GLI3: variants seen among roughly 807,000 people sequenced by gnomAD.
GLI3 encodes GLI family zinc finger 3.
GLI3 carries 20 observed loss-of-function variants against 100.8 expected under a neutral mutation model. The observed-to-expected ratio is 0.20, with a 90% CI of 0.14 to 0.29. GLI3 has a LOEUF of 0.29. Among genes scored for constraint, GLI3 ranks in the 10% least tolerant of loss-of-function variants. The pLI is 1.00. For synonymous variants in GLI3, 938 were observed against 860.5 expected (o/e 1.09, Z -1.58); for missense variants, 2,040 against 2,128.5 (o/e 0.96, Z 0.82).
At chr7:42,254,231 A>AAAAAAAC (rs1281812818) in intron 1 of GLI3, among the ~76,000 whole-genome samples, 1 of 151,540 alleles carries the variant, frequency 6.6e-6, no homozygotes, top group African/African-American at 2.4e-5. Flanking sequence ...AAAAAAAAAA[A>AAAAAAAC]AGCCAATGGA....
At chr7:42,105,193 T>C (rs1785546932) in intron 3 of GLI3, among the ~76,000 whole-genome samples, 2 of 152,172 alleles carry the variant, frequency 1.3e-5, no homozygotes, top group African/African-American at 4.8e-5. Context: ...CCTGCTACTG[T>C]GTGCCCTGAA....
intron 3 of GLI3, among the ~76,000 whole-genome samples, chr7:42,110,260 CA>C (rs1184216723): frequency 6.6e-6 from 1 of 152,176 alleles, no homozygotes; most frequent in Non-Finnish European, 1.5e-5. Context: ...TAGTAGAATT[CA>C]ATTTTAAAAA....
chr7:42,112,138 A>C (rs1013510461), intron 3 of GLI3, among the ~76,000 whole-genome samples: 2 of 152,226 alleles, frequency 1.3e-5, no homozygotes, highest in Non-Finnish European at 2.9e-5. Context: ...TCTGCCGTCT[A>C]TGATAATATC....
chr7:41,979,495 C>A (rs1049627213), intron 10 of GLI3, among the ~76,000 whole-genome samples: 40 of 152,140 alleles, frequency 2.6e-4, no homozygotes, highest in African/African-American at 9.2e-4. Context: ...AGATGAAGTT[C>A]TCTGAATTAC....
intron 3 of GLI3, chr7:42,145,381 T>A (rs890440194): frequency 2.2e-4 from 87 of 395,880 alleles, no homozygotes; most frequent in African/African-American, 1.6e-3. Context: ...CTGCTAAGAA[T>A]TTAAAATGTT....
chr7:42,066,084 T>C (rs1316447259), intron 4 of GLI3, among the ~76,000 whole-genome samples: 3 of 152,106 alleles, frequency 2.0e-5, no homozygotes, highest in African/African-American at 7.2e-5. Context: ...CTCGGAGGAA[T>C]GTAATTCATG....
At chr7:42,171,554 TC>T (rs1487152432) in intron 2 of GLI3, among the ~76,000 whole-genome samples, 1 of 152,242 alleles carries the variant, frequency 6.6e-6, no homozygotes, top group Non-Finnish European at 1.5e-5. Context: ...TTTCAGACTT[TC>T]CACAATGATT....
chr7:41,975,557 T>C (rs1262772789), intron 12 of GLI3, among the ~76,000 whole-genome samples: 1 of 152,218 alleles, frequency 6.6e-6, no homozygotes, highest in Non-Finnish European at 1.5e-5. Context: ...TTTAAGTAAA[T>C]TGCTCAAGTG....
intron 1 of GLI3, among the ~76,000 whole-genome samples, chr7:42,248,756 C>T (rs540042341): frequency 2.5e-4 from 38 of 152,044 alleles, no homozygotes; most frequent in African/African-American, 8.7e-4. Context: ...TAATAATTCT[C>T]TTATCCTCTT....
chr7:42,094,774 G>C lies in GLI3; in HGVS notation c.368-17917C>G, dbSNP rs1785301964. 2.0e-5 allele frequency among the ~76,000 whole-genome samples: 3 copies of C among 151,996 alleles called. No homozygotes were observed. The South Asian group carries it at 6.2e-4, about 32-fold the overall frequency. On this transcript the variant is annotated intron_variant, in intron 3 of 14. Coordinates refer to ENST00000395925, the MANE Select transcript of GLI3 (RefSeq NM_000168.6). ...ATTAAAAAAAAAGACAATTCACTCTGCAGATCTAAGCAGCACTGCCAGGTA... is the reference window on the plus strand; with the variant it reads ...ATTAAAAAAAAAGACAATTCACTCTCCAGATCTAAGCAGCACTGCCAGGTA...
chr7:42,133,002 T>C (rs1786332045), intron 3 of GLI3, among the ~76,000 whole-genome samples: 2 of 152,176 alleles, frequency 1.3e-5, no homozygotes, highest in African/African-American at 4.8e-5. Context: ...ATTCCATTGT[T>C]ACTAACACCA....
At chr7:41,993,670 T>C (rs1240266187) in intron 10 of GLI3, among the ~76,000 whole-genome samples, 1 of 152,200 alleles carries the variant, frequency 6.6e-6, no homozygotes, top group Non-Finnish European at 1.5e-5. Context: ...CAGTAAATAC[T>C]TGCTGGAGGA....
chr7:42,229,447 C>A (rs1788651895), intron 1 of GLI3, among the ~76,000 whole-genome samples: 1 of 152,204 alleles, frequency 6.6e-6, no homozygotes, highest in African/African-American at 2.4e-5. Context: ...GTTTAGGGAA[C>A]TATTACTCCA....
At chr7:42,166,650 CTTTTTTTTTTT>C (rs1203814510) in intron 2 of GLI3, among the ~76,000 whole-genome samples, 7 of 80,274 alleles carry the variant, frequency 8.7e-5, no homozygotes, top group East Asian at 3.6e-4. Flanking sequence ...GTTCTGATTC[CTTTTTTTTTTT>C]TTTTTTTTTT....
At chr7:42,142,907 G>C (rs1010647251) in intron 3 of GLI3, among the ~76,000 whole-genome samples, 15 of 131,894 alleles carry the variant, frequency 1.1e-4, no homozygotes, top group African/African-American at 4.4e-4. Context: ...CCACTGCACA[G>C]CCTGGGCGAG....
chr7:41,967,551 G>GAA, intron 14 of GLI3, 45 bp downstream of exon 14: 10 of 1,377,638 alleles, frequency 7.3e-6, no homozygotes, highest in East Asian at 2.3e-5. Context: ...TAAAAGAACA[G>GAA]AAAAAAAAAC....
intron 1 of GLI3, among the ~76,000 whole-genome samples, chr7:42,249,632 T>G (rs1252809716): frequency 6.6e-6 from 1 of 152,214 alleles, no homozygotes; most frequent in Non-Finnish European, 1.5e-5. Flanking sequence ...AGGGTGCTTG[T>G]GAGACCGACT....
intron 2 of GLI3, among the ~76,000 whole-genome samples, chr7:42,189,971 A>AAC (rs57107204): frequency 0.051 from 7,250 of 143,222 alleles, 188 homozygotes; most frequent in East Asian, 0.082. Context: ...GCATGGGCTC[A>AAC]ACACACACAC....
At chr7:41,993,413 G>T (rs1211800555) in intron 10 of GLI3, among the ~76,000 whole-genome samples, 2 of 152,158 alleles carry the variant, frequency 1.3e-5, no homozygotes, top group Non-Finnish European at 2.9e-5. Context: ...TCCTGGTCCT[G>T]ATGACCCCAC....
Sources: allele counts gnomAD v4.1 joint callset (sites outside exome capture counted in the v4.1 genomes callset), GRCh38; gene constraint gnomAD v4.1.1; transcripts MANE v1.5; gene names NCBI Gene and HGNC (gene_info 2026-07-23, HGNC 2026-07-21).